ASB11: variants seen among roughly 807,000 people sequenced by gnomAD.
ASB11 encodes ankyrin repeat and SOCS box protein 11.
In ASB11, 17 loss-of-function variants were observed where a neutral mutation model predicts 20.1. The observed-to-expected ratio is 0.85, with a 90% CI of 0.58 to 1.27. ASB11 has a LOEUF of 1.27. Among genes scored for constraint, ASB11 ranks in the 50% most tolerant of loss-of-function variants. The probability of loss-of-function intolerance (pLI) is 0.00; values close to 1 mark genes in which losing one functional copy is unlikely to be tolerated. For synonymous variants in ASB11, 107 were observed against 105.6 expected (o/e 1.01, Z -0.08); for missense variants, 259 against 256.9 (o/e 1.01, Z -0.06).
At chrX:15,311,538 G>A (rs1482821130) in intron 1 of ASB11, among the ~76,000 whole-genome samples, 1 of 112,673 alleles carries the variant, frequency 8.9e-6, no homozygotes, top group East Asian at 2.8e-4. Flanking sequence ...ACAGGAAAAA[G>A]GATTCAGAAT....
chrX:15,313,614 T>C (rs187104453), intron 1 of ASB11, among the ~76,000 whole-genome samples: 158 of 112,023 alleles, frequency 1.4e-3, no homozygotes, highest in African/African-American at 5.0e-3. Context: ...CAAATTAACC[T>C]ATTTTAAGAG....
At chrX:15,290,325 C>T (rs780137576) in intron 4 of ASB11, among the ~76,000 whole-genome samples, 76 of 111,742 alleles carry the variant, frequency 6.8e-4, no homozygotes, top group Admixed American at 6.6e-3. Flanking sequence ...CTCTGAAAAG[C>T]TAGTGCTCAA....
intron 1 of ASB11, among the ~76,000 whole-genome samples, chrX:15,304,387 A>G (rs192737035): frequency 8.9e-6 from 1 of 112,692 alleles, no homozygotes; most frequent in Admixed American, 9.4e-5. Flanking sequence ...TTGGATTGAT[A>G]TTGGAGCAAT....
chrX:15,297,761 C>A, intron 2 of ASB11, 80 bp from the exon 3 acceptor site: 1 of 940,953 alleles, frequency 1.1e-6, no homozygotes, highest in Non-Finnish European at 1.5e-6. Flanking sequence ...GTCTCAAACT[C>A]CTGGCCTCAA....
Position 15,315,585 on chromosome X carries a change from GA to G in ASB11, c.20del (p.Phe7SerfsTer21), listed in dbSNP as rs1191469055. On this transcript the variant is annotated frameshift_variant, in exon 1 of 7. Coordinates refer to ENST00000480796, the MANE Select transcript of ASB11 (RefSeq NM_080873.3). LOFTEE classifies it high-confidence loss of function. ...TAATAAAAATGTTTTTAAAGCCATA[GA>G]AAACAGGACCATCTTCCATTTTGGC... MEDGPV[F>X]YGFKNIFITM... 8.5e-7 allele frequency: 1 copy of G among 1,177,911 alleles called. No homozygotes were observed. The highest frequency in any genetic ancestry group is 1.1e-6 in the Non-Finnish European group (1 of 881,415).
intron 1 of ASB11, among the ~76,000 whole-genome samples, chrX:15,309,869 G>A (rs1226114846): frequency 9.5e-6 from 1 of 105,222 alleles, no homozygotes; most frequent in Non-Finnish European, 1.9e-5. Flanking sequence ...CTGGGAGGCT[G>A]AGGCAGGAGA....
chrX:15,283,622 A>G lies in ASB11; in HGVS notation c.855T>C (p.Pro285=). 8.6e-7 allele frequency: 1 copy of G among 1,158,001 alleles called. No homozygotes were observed. ...ACAGGCGGCAGAGCTGGGAAAGAGC[A>G]GGTGGGCCTGAGAGAGAAATAAAAA... The part of the protein sequence containing the change: ...EQALLLREGP[P]ALSQLCRLCV... The change falls in exon 7 of 7, where the codon CCT becomes CCC. Residue 285 remains proline (P), a synonymous_variant. Transcript: ENST00000480796.
At chrX:15,295,188 G>T (rs773872500) in intron 3 of ASB11, among the ~76,000 whole-genome samples, 1 of 110,531 alleles carries the variant, frequency 9.0e-6, no homozygotes, top group South Asian at 3.9e-4. Context: ...GACTACAGGC[G>T]CGTGCCACCA....
intron 1 of ASB11, among the ~76,000 whole-genome samples, chrX:15,311,506 C>T (rs1336649684): frequency 2.7e-5 from 3 of 112,287 alleles, no homozygotes; most frequent in East Asian, 2.8e-4. Flanking sequence ...GAAACTAAGG[C>T]GATCCTATTG....
At chrX:15,283,669 G>A (rs753708746) in intron 6 of ASB11, 40 bp from the exon 7 acceptor site, 3 of 1,194,287 alleles carry the variant, frequency 2.5e-6, no homozygotes, top group Non-Finnish European at 3.4e-6. Flanking sequence ...TCATAGTGGT[G>A]GGAGGTGGGG....
At chrX:15,309,967 C>CAAAAAAAAAAAAAAAAAAAAAA (rs60765469) in intron 1 of ASB11, among the ~76,000 whole-genome samples, 9 of 15,520 alleles carry the variant, frequency 5.8e-4, no homozygotes, top group Admixed American at 8.2e-4. Flanking sequence ...GACTCCGTCT[C>CAAAAAAAAAAAAAAAAAAAAAA]AAAAAAAAAA....
In ASB11 at chrX:15,289,039, A is replaced by G. The variant is rs116261272; in HGVS notation, c.655+465T>C. ...TTTACCGTCCAGCATCTTCCTGGCA[A>G]GCATACCTAGATTTCCCAAAGGTAA... On this transcript the variant is annotated intron_variant, in intron 5 of 6. Coordinates refer to ENST00000480796, the MANE Select transcript of ASB11 (RefSeq NM_080873.3). Among the ~76,000 whole-genome samples, 968 of 112,301 alleles carry G rather than the reference A, an allele frequency of 8.6e-3. 14 individuals carry two copies. The highest frequency in any genetic ancestry group is 0.029 in the African/African-American group (904 of 30,929).
At position 15,283,340 on chromosome X, in the gene ASB11, A is replaced by G. The variant is rs1927242432; in HGVS notation, c.*165T>C. ...GGTTAATGAGAACATTAAACTAACC[A>G]GGAGTTTCCACTCCTCAAGTGTTCT... On this transcript the variant is annotated 3_prime_UTR_variant, in exon 7 of 7. Transcript: ENST00000480796. 1.5e-6 allele frequency: 1 copy of G among 657,205 alleles called. No individual in the cohort carries two copies. The highest frequency in any genetic ancestry group is 2.2e-5 in the African/African-American group (1 of 46,339). The allele number at this position is 657,205 out of a possible 1,213,427, so 54.2% of individuals were successfully genotyped here. A position where few individuals can be genotyped will look rare whatever the true frequency, so the allele number is the denominator to read the frequency against.
rs2032948886 is a variant in ASB11 at position 15,283,630 on chromosome X, C to G, written c.848-1G>C. 8.3e-7 allele frequency: 1 copy of G among 1,206,882 alleles called. No homozygotes were observed. Among genetic ancestry groups the G allele is most frequent in the South Asian group, 1.8e-5 (1 of 56,672 alleles). ...CAGAGCTGGGAAAGAGCAGGTGGGC[C>G]TGAGAGAGAAATAAAAATGGTGTTA... On this transcript the variant is annotated splice_acceptor_variant, in intron 6 of 6. Transcript: ENST00000480796. LOFTEE classifies it high-confidence loss of function.
At chrX:15,295,151 T>C (rs1378840497) in intron 3 of ASB11, among the ~76,000 whole-genome samples, 1 of 111,569 alleles carries the variant, frequency 9.0e-6, no homozygotes, top group East Asian at 2.8e-4. Context: ...CAAGAGATTC[T>C]GCTGCCTTAG....
chrX:15,283,627 G>A lies in ASB11; in HGVS notation c.850C>T (p.Pro284Ser). 8.3e-7 allele frequency: 1 copy of A among 1,209,719 alleles called. No homozygotes were observed. The change falls in exon 7 of 7, where the codon CCA (proline) becomes TCA (serine). Residue 284 changes from proline to serine, a missense_variant and splice_region_variant. By Grantham distance (74) the Pro-to-Ser change is moderately conservative. Transcript: ENST00000480796. Reference sequence around the variant, plus strand: ...CGGCAGAGCTGGGAAAGAGCAGGTGGGCCTGAGAGAGAAATAAAAATGGTG... The same window carrying A: ...CGGCAGAGCTGGGAAAGAGCAGGTGAGCCTGAGAGAGAAATAAAAATGGTG... ...VEQALLLREG[P>S]PALSQLCRLC...
chrX:15,290,303 G>A (rs1215532474), intron 4 of ASB11, among the ~76,000 whole-genome samples: 1 of 111,072 alleles, frequency 9.0e-6, no homozygotes, highest in Non-Finnish European at 1.9e-5. Context: ...CAAACGACTA[G>A]GCCTATTATT....
chrX:15,302,448 A>C (rs1209079634), intron 2 of ASB11, among the ~76,000 whole-genome samples: 1 of 112,091 alleles, frequency 8.9e-6, no homozygotes, highest in Non-Finnish European at 1.9e-5. Context: ...TGCAACAAAC[A>C]TTTGAGAGCA....
At chrX:15,311,413 G>C (rs1405684966) in intron 1 of ASB11, among the ~76,000 whole-genome samples, 2 of 112,697 alleles carry the variant, frequency 1.8e-5, no homozygotes, top group Non-Finnish European at 1.9e-5. Flanking sequence ...ATGCAACTTA[G>C]AGGATGGTTA....
Sources: gnomAD v4.1 joint callset for allele counts (sites outside exome capture counted in the v4.1 genomes callset) on GRCh38, gnomAD v4.1.1 for gene constraint, MANE v1.5 for transcripts, NCBI Gene and HGNC (gene_info 2026-07-23, HGNC 2026-07-21) for gene names.